Variants in PDE4D observed in about 807,000 individuals in gnomAD.
PDE4D encodes the protein 3',5'-cyclic-AMP phosphodiesterase 4D.
PDE4D carries 24 observed loss-of-function variants against 87.4 expected under a neutral mutation model. That is an observed-to-expected ratio of 0.27 (90% CI 0.20 to 0.39). The LOEUF is 0.39. Among genes scored for constraint, PDE4D ranks in the 10% least tolerant of loss-of-function variants. The probability of loss-of-function intolerance (pLI) is 1.00; values close to 1 mark genes in which losing one functional copy is unlikely to be tolerated. For missense variants in PDE4D, 714 were observed against 1,041.0 expected (o/e 0.69, Z 4.32); for synonymous variants, 384 against 383.2 (o/e 1.00, Z -0.02).
At position 59,540,718 on chromosome 5, in the gene PDE4D, T is replaced by G. The variant is rs140861835; in HGVS notation, c.456-324750A>C. Among the ~76,000 whole-genome samples the G allele has an allele frequency of 3.6e-3, 549 of 152,280 alleles. 3 individuals carry two copies. The highest frequency in any genetic ancestry group is 5.0e-3 in the Non-Finnish European group (343 of 68,024). On this transcript the variant is annotated intron_variant, in intron 1 of 14. Transcript: ENST00000340635. Reference sequence around the variant, plus strand: ...TCAATCCTGTCACATCCTCCCCCATTTAAACCATTTATAGTCTTAACTTAT... The same window carrying G: ...TCAATCCTGTCACATCCTCCCCCATGTAAACCATTTATAGTCTTAACTTAT...
chr5:59,678,124 C>T (rs1748416204), intron 1 of PDE4D, among the ~76,000 whole-genome samples: 1 of 151,966 alleles, frequency 6.6e-6, no homozygotes, highest in African/African-American at 2.4e-5. Flanking sequence ...ACCTTAAACT[C>T]AGTCTCAAAA....
At chr5:60,372,152 TTA>T (rs879892276) in intron 1 of PDE4D, among the ~76,000 whole-genome samples, 7,409 of 152,228 alleles carry the variant, frequency 0.049, 243 homozygotes, top group Non-Finnish European at 0.07. Context: ...CTTTTTTATT[TTA>T]GCCATCCTGA....
At chr5:60,286,590 C>T (rs542422987) in intron 1 of PDE4D, among the ~76,000 whole-genome samples, 1 of 152,102 alleles carries the variant, frequency 6.6e-6, no homozygotes, top group South Asian at 2.1e-4. Context: ...CCCATTACAC[C>T]GACTACCATT....
At chr5:59,034,346 T>A (rs1758125734) in intron 6 of PDE4D, among the ~76,000 whole-genome samples, 1 of 152,210 alleles carries the variant, frequency 6.6e-6, no homozygotes, top group Non-Finnish European at 1.5e-5. Context: ...AGAAAACAAC[T>A]GAGGCTGTTT....
rs1413668867 is a variant in PDE4D, at chr5:59,762,351, T to TATGGGTACAC, written c.455+130816_455+130817insGTGTACCCAT. On this transcript the variant is annotated intron_variant, in intron 1 of 14. Transcript: ENST00000340635. ...ATGCGTATATGGGTACACATATGCA[T>TATGGGTACAC]ATATGTGTATATGGGTACACATGTG... is the stretch of plus-strand genomic sequence containing the variant. Among the ~76,000 whole-genome samples the TATGGGTACAC allele has an allele frequency of 6.7e-4, 69 of 103,660 alleles. 10 individuals carry two copies. The highest frequency in any genetic ancestry group is 2.1e-3 in the South Asian group (7 of 3,362). 68.0% of individuals were successfully genotyped at this position (103,660 alleles called of 152,430 possible). A position where few individuals can be genotyped will look rare whatever the true frequency, so the allele number is the denominator to read the frequency against.
chr5:60,131,199 T>G (rs1413065385), intron 2 of PDE4D, among the ~76,000 whole-genome samples: 2 of 152,236 alleles, frequency 1.3e-5, no homozygotes, highest in Admixed American at 6.5e-5. Flanking sequence ...AACTTTGTTT[T>G]GCTTTGTTTT....
At chr5:59,494,082 C>A (rs6895303) in intron 1 of PDE4D, among the ~76,000 whole-genome samples, 2 of 152,134 alleles carry the variant, frequency 1.3e-5, no homozygotes, top group African/African-American at 2.4e-5. Context: ...GAAATACTTC[C>A]TTTGACAGTT....
chr5:59,534,018 A>G (rs1015698109), intron 1 of PDE4D, among the ~76,000 whole-genome samples: 10 of 152,176 alleles, frequency 6.6e-5, no homozygotes, highest in African/African-American at 2.4e-4. Context: ...CCCAAACCTA[A>G]AACCTCCCCT....
At chr5:59,646,709 G>A (rs1742502695) in intron 1 of PDE4D, among the ~76,000 whole-genome samples, 1 of 152,064 alleles carries the variant, frequency 6.6e-6, no homozygotes, top group South Asian at 2.1e-4. Context: ...ATCATGATAG[G>A]CTTTGTGCAT....
At chr5:59,851,221 A>G (rs1321684174) in intron 1 of PDE4D, among the ~76,000 whole-genome samples, 1 of 152,018 alleles carries the variant, frequency 6.6e-6, no homozygotes, top group Admixed American at 6.6e-5. Context: ...TTAGAAGCAC[A>G]TCCTCCAGCC....
At chr5:59,089,993 G>T (rs893489942) in intron 5 of PDE4D, among the ~76,000 whole-genome samples, 5 of 152,112 alleles carry the variant, frequency 3.3e-5, no homozygotes, top group African/African-American at 1.2e-4. Context: ...CTAAGGGAGA[G>T]ATTAGATATG....
chr5:60,354,517 T>C (rs1212006116), intron 1 of PDE4D, among the ~76,000 whole-genome samples: 1 of 152,190 alleles, frequency 6.6e-6, no homozygotes, highest in African/African-American at 2.4e-5. Flanking sequence ...CCGCCAATCA[T>C]AGCAGCCAAA....
At chr5:60,346,990 A>G (rs370394019) in intron 1 of PDE4D, among the ~76,000 whole-genome samples, 12 of 152,300 alleles carry the variant, frequency 7.9e-5, no homozygotes, top group African/African-American at 2.9e-4. Flanking sequence ...ACTAGAGAGA[A>G]GAGTTTCCTG....
intron 2 of PDE4D, chr5:60,033,099 A>G (rs940366856): frequency 1.3e-5 from 2 of 152,100 alleles, no homozygotes; most frequent in Non-Finnish European, 2.9e-5. Context: ...CGCCACCCCA[A>G]TATACTTTTA....
At position 59,647,749 on chromosome 5, in the gene PDE4D, A is replaced by G. The variant is rs115991619; in HGVS notation, c.455+245419T>C. On this transcript the variant is annotated intron_variant, in intron 1 of 14. Transcript: ENST00000340635. The stretch of plus-strand genomic sequence containing the variant: ...AAATTATATATATGTGTTCACATTT[A>G]AAACCTCAATATTCTATAAAGATCT... Among the ~76,000 whole-genome samples the G allele has an allele frequency of 4.0e-3, 608 of 152,334 alleles. 3 individuals carry two copies. Among genetic ancestry groups the G allele is most frequent in the African/African-American group, 0.014 (585 of 41,586 alleles).
chr5:59,577,790 C>G (rs2153698774), intron 1 of PDE4D, among the ~76,000 whole-genome samples: 1 of 152,210 alleles, frequency 6.6e-6, no homozygotes, highest in African/African-American at 2.4e-5. Flanking sequence ...TCACAGTATC[C>G]TCCAGGGTTT....
At chr5:58,992,428 T>C (rs1024832104) in intron 7 of PDE4D, among the ~76,000 whole-genome samples, 2 of 152,156 alleles carry the variant, frequency 1.3e-5, no homozygotes, top group African/African-American at 2.4e-5. Flanking sequence ...TTTGAAATGG[T>C]AGAAACTTTA....
intron 6 of PDE4D, among the ~76,000 whole-genome samples, chr5:59,014,343 G>A (rs1440111595): frequency 6.6e-6 from 1 of 152,156 alleles, no homozygotes; most frequent in Non-Finnish European, 1.5e-5. Flanking sequence ...ATTAGGAAAA[G>A]AGGAAGTCAA....
At chr5:59,784,984 C>T (rs1295586937) in intron 1 of PDE4D, among the ~76,000 whole-genome samples, 4 of 152,116 alleles carry the variant, frequency 2.6e-5, no homozygotes, top group Admixed American at 6.5e-5. Context: ...GTGAGGCCTC[C>T]CCAGTCACGT....
Sources: allele counts gnomAD v4.1 joint callset (sites outside exome capture counted in the v4.1 genomes callset), GRCh38; gene constraint gnomAD v4.1.1; transcripts MANE v1.5; gene names NCBI Gene and HGNC (gene_info 2026-07-23, HGNC 2026-07-21).